Variants in CNTNAP5 observed in about 807,000 individuals in gnomAD.
CNTNAP5 encodes contactin-associated protein-like 5.
CNTNAP5 carries 72 observed loss-of-function variants against 150.2 expected under a neutral mutation model. The observed-to-expected ratio is 0.48, with a 90% CI of 0.40 to 0.58. The LOEUF (loss-of-function observed/expected upper bound fraction) is 0.58. Ranked by LOEUF, CNTNAP5 falls within the 20% of genes least tolerant of loss-of-function variation. CNTNAP5 has a pLI of 0.00. For missense variants in CNTNAP5, 1,636 were observed against 1,626.2 expected (o/e 1.01, Z -0.10); for synonymous variants, 672 against 619.8 (o/e 1.08, Z -1.25).
intron 17 of CNTNAP5, among the ~76,000 whole-genome samples, chr2:124,783,893 T>C (rs1470716134): frequency 6.6e-6 from 1 of 152,210 alleles, no homozygotes; most frequent in Non-Finnish European, 1.5e-5. Flanking sequence ...TGCCTTATCC[T>C]TAAGGAAATC....
At chr2:124,543,535 G>C (rs751293397) in intron 10 of CNTNAP5, among the ~76,000 whole-genome samples, 12 of 152,144 alleles carry the variant, frequency 7.9e-5, no homozygotes, top group Non-Finnish European at 1.6e-4. Context: ...AATTTTCGTG[G>C]AAGGATGCTG....
chr2:124,783,481 C>T (rs1396488848), intron 17 of CNTNAP5, among the ~76,000 whole-genome samples: 1 of 152,056 alleles, frequency 6.6e-6, no homozygotes, highest in Non-Finnish European at 1.5e-5. Context: ...CCATTTTCAG[C>T]TTTTTTCTTT....
At chr2:124,886,717 T>A (rs1269313617) in intron 21 of CNTNAP5, among the ~76,000 whole-genome samples, 1 of 152,076 alleles carries the variant, frequency 6.6e-6, no homozygotes, top group East Asian at 1.9e-4. Context: ...TAATCACATG[T>A]AAACACAAGT....
At chr2:124,659,771 C>T (rs966912888) in intron 13 of CNTNAP5, among the ~76,000 whole-genome samples, 54 of 152,120 alleles carry the variant, frequency 3.5e-4, no homozygotes, top group African/African-American at 1.1e-3. Context: ...GTATACAGGG[C>T]TCTGAAAAGG....
chr2:124,068,291 G>A (rs1682214549), intron 1 of CNTNAP5, among the ~76,000 whole-genome samples: 1 of 152,148 alleles, frequency 6.6e-6, no homozygotes, highest in Non-Finnish European at 1.5e-5. Context: ...CAGGGAGACA[G>A]AGCGCAGCAA....
intron 11 of CNTNAP5, among the ~76,000 whole-genome samples, chr2:124,585,391 G>A (rs566432842): frequency 6.6e-5 from 10 of 152,304 alleles, no homozygotes; most frequent in African/African-American, 1.9e-4. Flanking sequence ...AAACAGGGAT[G>A]GGAGTGGAGA....
intron 13 of CNTNAP5, among the ~76,000 whole-genome samples, chr2:124,651,910 C>A (rs1678330630): frequency 6.6e-6 from 1 of 152,100 alleles, no homozygotes. Flanking sequence ...TACACAGCAT[C>A]CCCAGAGCCT....
intron 10 of CNTNAP5, among the ~76,000 whole-genome samples, chr2:124,545,433 G>A (rs562736575): frequency 1.4e-4 from 22 of 152,198 alleles, no homozygotes; most frequent in African/African-American, 5.3e-4. Flanking sequence ...TTAATTCACA[G>A]CCCTCAAACA....
At chr2:124,824,142 T>G (rs946630345) in intron 19 of CNTNAP5, among the ~76,000 whole-genome samples, 1 of 152,004 alleles carries the variant, frequency 6.6e-6, no homozygotes. Context: ...GGTCTTGAAC[T>G]CTTGACCTTA....
At chr2:124,605,824 AAAAAAAAAAG>A (rs1240637113) in intron 11 of CNTNAP5, among the ~76,000 whole-genome samples, 152 of 148,950 alleles carry the variant, frequency 1.0e-3, no homozygotes, top group African/African-American at 3.6e-3. Flanking sequence ...AAAAAAAAAA[AAAAAAAAAAG>A]AAGGAAAGAA....
chr2:124,485,631 A>AAAAAAAAAAAAAAAAAAAAAAG (rs1457112306), intron 7 of CNTNAP5, among the ~76,000 whole-genome samples: 3 of 134,266 alleles, frequency 2.2e-5, no homozygotes, highest in East Asian at 2.3e-4. Context: ...AAAAAAAAAA[A>AAAAAAAAAAAAAAAAAAAAAAG]AAAGAAGAAG....
chr2:124,717,659 G>C (rs894865619), intron 13 of CNTNAP5, among the ~76,000 whole-genome samples: 2 of 152,164 alleles, frequency 1.3e-5, no homozygotes, highest in African/African-American at 4.8e-5. Flanking sequence ...ACATGATTCT[G>C]TTGCTGCTGG....
In CNTNAP5 at chr2:124,302,514, G is replaced by C. The variant is rs368338909; in HGVS notation, c.381+60121G>C. 1.3e-4 allele frequency among the ~76,000 whole-genome samples: 20 copies of C among 152,270 alleles called. 1 individual carries two copies. In the South Asian group the frequency reaches 2.1e-3, roughly 16 times the overall value. On this transcript the variant is annotated intron_variant, in intron 3 of 23. Coordinates refer to ENST00000682447, the MANE Select transcript of CNTNAP5 (RefSeq NM_001367498.1). ...ATGTGAAGGGACACGGAGGGTGAGG[G>C]CAAGAGAGTGAGAGAGGAAAAGTAC...
At chr2:124,673,495 CTT>C (rs994346349) in intron 13 of CNTNAP5, among the ~76,000 whole-genome samples, 7 of 149,616 alleles carry the variant, frequency 4.7e-5, no homozygotes, top group African/African-American at 1.7e-4. Context: ...TTTTAGATAA[CTT>C]ACGTTTCTTG....
rs538243182 is a variant in CNTNAP5, at chr2:124,585,413, T to C, written c.1756+22090T>C. On this transcript the variant is annotated intron_variant, in intron 11 of 23. Transcript: ENST00000682447. The stretch of plus-strand genomic sequence containing the variant: ...GATGGGAGTGGAGAGAGGAATTCTG[T>C]TGAGGGGCATCAAAGTCTAACAGGA... 5.3e-5 allele frequency among the ~76,000 whole-genome samples: 8 copies of C among 152,250 alleles called. No individual in the cohort carries two copies. In the South Asian group the frequency reaches 1.7e-3, roughly 32 times the overall value.
intron 13 of CNTNAP5, among the ~76,000 whole-genome samples, chr2:124,726,808 A>AT (rs557185128): frequency 3.6e-4 from 55 of 151,210 alleles, no homozygotes; most frequent in South Asian, 6.2e-4. Flanking sequence ...TCGATTGTTG[A>AT]TTTTTTTTAA....
intron 10 of CNTNAP5, 129 bp downstream of exon 10, chr2:124,527,585 T>C (rs1207925656): frequency 1.6e-5 from 10 of 641,054 alleles, no homozygotes; most frequent in Non-Finnish European, 2.2e-5. Context: ...AGTTGCCTAA[T>C]GGAAAATATT....
intron 3 of CNTNAP5, among the ~76,000 whole-genome samples, chr2:124,270,509 G>C (rs1199097034): frequency 1.3e-5 from 2 of 152,168 alleles, no homozygotes; most frequent in African/African-American, 2.4e-5. Context: ...GTGTAGGACA[G>C]TCCAACTTCA....
At chr2:124,088,673 A>G (rs1682750767) in intron 1 of CNTNAP5, among the ~76,000 whole-genome samples, 1 of 151,954 alleles carries the variant, frequency 6.6e-6, no homozygotes, top group African/African-American at 2.4e-5. Context: ...TTCAGTCTCC[A>G]TTGGTACCTG....
Sources: gnomAD v4.1 joint callset for allele counts (sites outside exome capture counted in the v4.1 genomes callset) on GRCh38, gnomAD v4.1.1 for gene constraint, MANE v1.5 for transcripts, NCBI Gene and HGNC (gene_info 2026-07-23, HGNC 2026-07-21) for gene names.